The following SLC35F4 variants were observed in gnomAD, a reference collection of about 807,000 sequenced individuals.
The protein encoded by SLC35F4 is chromosome 14 open reading frame 36.
In SLC35F4, 24 loss-of-function variants were observed where a neutral mutation model predicts 44.2. The ratio of observed to expected loss-of-function variants is 0.54; its 90% CI spans 0.39 to 0.76. The LOEUF (loss-of-function observed/expected upper bound fraction) is 0.76. Ranked by LOEUF, SLC35F4 falls within the 30% of genes least tolerant of loss-of-function variation. The pLI is 0.00. For synonymous variants in SLC35F4, 238 were observed against 223.6 expected (o/e 1.06, Z -0.57); for missense variants, 562 against 586.1 (o/e 0.96, Z 0.42).
At chr14:57,655,849 A>C (rs895694182) in intron 1 of SLC35F4, among the ~76,000 whole-genome samples, 1 of 152,102 alleles carries the variant, frequency 6.6e-6, no homozygotes, top group Non-Finnish European at 1.5e-5. Context: ...AAAGTGCCAA[A>C]ATTTACAAAT....
At chr14:57,798,163 T>A (rs2078102127) in intron 1 of SLC35F4, among the ~76,000 whole-genome samples, 2 of 141,600 alleles carry the variant, frequency 1.4e-5, no homozygotes, top group Non-Finnish European at 3.0e-5. Flanking sequence ...GATAGACCAC[T>A]GAGGTTTAAG....
At chr14:57,898,221 T>C (rs544980211) in intron 1 of SLC35F4, among the ~76,000 whole-genome samples, 1 of 152,176 alleles carries the variant, frequency 6.6e-6, no homozygotes, top group Admixed American at 6.5e-5. Context: ...AGAATAAAAA[T>C]GAATTATCTA....
chr14:57,752,099 T>C (rs1461192800), intron 1 of SLC35F4, among the ~76,000 whole-genome samples: 1 of 152,196 alleles, frequency 6.6e-6, no homozygotes, highest in Non-Finnish European at 1.5e-5. Flanking sequence ...ATTTTTCTGT[T>C]GGAGCCAAGG....
chr14:57,600,559 G>T (rs1049402532), intron 1 of SLC35F4, among the ~76,000 whole-genome samples: 2 of 146,882 alleles, frequency 1.4e-5, no homozygotes, highest in African/African-American at 2.5e-5. Context: ...GGGCGTAGTG[G>T]CGGGCGCCTG....
intron 1 of SLC35F4, among the ~76,000 whole-genome samples, chr14:57,774,336 T>A (rs2077438104): frequency 6.6e-6 from 1 of 152,160 alleles, no homozygotes; most frequent in Non-Finnish European, 1.5e-5. Flanking sequence ...AGCCTCTGAA[T>A]GCCCATGCAG....
intron 1 of SLC35F4, among the ~76,000 whole-genome samples, chr14:57,798,209 A>G (rs2078102672): frequency 6.6e-6 from 1 of 151,878 alleles, no homozygotes; most frequent in Non-Finnish European, 1.5e-5. Flanking sequence ...AAAAGCTGAC[A>G]AATACACTCT....
chr14:57,945,907 C>T (rs948286070), intron 1 of SLC35F4, among the ~76,000 whole-genome samples: 1 of 151,838 alleles, frequency 6.6e-6, no homozygotes, highest in Non-Finnish European at 1.5e-5. Flanking sequence ...GTCTGTTGGC[C>T]ATTTGTATAT....
At chr14:57,705,447 C>G (rs2075648672) in intron 1 of SLC35F4, among the ~76,000 whole-genome samples, 1 of 152,204 alleles carries the variant, frequency 6.6e-6, no homozygotes, top group Non-Finnish European at 1.5e-5. Context: ...CTGCCCTTCT[C>G]TGCTCTACTC....
At chr14:57,799,637 T>G (rs1298765351) in intron 1 of SLC35F4, 3 of 152,664 alleles carry the variant, frequency 2.0e-5, no homozygotes, top group Non-Finnish European at 4.4e-5. Flanking sequence ...CCACCATCTC[T>G]GTGGTTCAGT....
intron 1 of SLC35F4, among the ~76,000 whole-genome samples, chr14:57,710,696 A>G (rs2075796535): frequency 6.6e-6 from 1 of 152,044 alleles, no homozygotes; most frequent in South Asian, 2.1e-4. Context: ...ATCAAAGGAG[A>G]TCATTTTGGA....
intron 3 of SLC35F4, among the ~76,000 whole-genome samples, chr14:57,586,652 A>T (rs957782768): frequency 7.3e-6 from 1 of 136,110 alleles, no homozygotes; most frequent in Non-Finnish European, 1.5e-5. Flanking sequence ...CAGGAGGTGG[A>T]GCTGGCAGTC....
chr14:57,927,966 C>A (rs1889615053), intron 1 of SLC35F4, among the ~76,000 whole-genome samples: 1 of 151,554 alleles, frequency 6.6e-6, no homozygotes, highest in Non-Finnish European at 1.5e-5. Context: ...TTTTTCTGAA[C>A]AATTTTTTAA....
At position 57,609,875 on chromosome 14, in the gene SLC35F4, T is replaced by C. The variant is rs545126240; in HGVS notation, c.104-15751A>G. On this transcript the variant is annotated intron_variant, in intron 1 of 7. Coordinates refer to ENST00000556826, the MANE Select transcript of SLC35F4 (RefSeq NM_001306087.2). ...CCCACATTAGGCCCTTGCTGGCTAT[T>C]TCGTGGATGACTGGCTGCCATGTGT... Among the ~76,000 whole-genome samples the C allele has an allele frequency of 3.9e-4, 60 of 152,298 alleles. 2 individuals are homozygous for C. The highest frequency in any genetic ancestry group is 4.6e-4 in the Admixed American group (7 of 15,294).
At chr14:57,793,240 A>C in intron 1 of SLC35F4, among the ~76,000 whole-genome samples, 1 of 152,054 alleles carries the variant, frequency 6.6e-6, no homozygotes, top group East Asian at 1.9e-4. Context: ...CTCATTTTTT[A>C]AAAACTTTTA....
chr14:57,865,705 A>C lies in SLC35F4; in HGVS notation c.103+18T>G, dbSNP rs1888107010. 6 of 1,506,126 alleles carry C rather than the reference A, an allele frequency of 4.0e-6. No individual in the cohort carries two copies. In the East Asian group the frequency reaches 1.5e-4, roughly 39 times the overall value. The allele number at this position is 1,506,126 out of a possible 1,614,324, so 93.3% of individuals were successfully genotyped here. On this transcript the variant is annotated intron_variant, in intron 1 of 7. Coordinates refer to ENST00000556826, the MANE Select transcript of SLC35F4 (RefSeq NM_001306087.2). ...CTCCCTTCCCCGCCTCGCGCAGGGC[A>C]GCCGCGCGGCGTCTTACTTTTCTGG...
intron 1 of SLC35F4, among the ~76,000 whole-genome samples, chr14:57,907,390 AT>A: frequency 6.6e-6 from 1 of 152,264 alleles, no homozygotes; most frequent in Admixed American, 6.5e-5. Flanking sequence ...CACAATATAT[AT>A]TTCTGAAGTG....
chr14:57,648,767 C>T (rs2073654829), intron 1 of SLC35F4, among the ~76,000 whole-genome samples: 1 of 152,214 alleles, frequency 6.6e-6, no homozygotes, highest in Admixed American at 6.5e-5. Flanking sequence ...CAGCAACACC[C>T]TGCATGATCT....
intron 1 of SLC35F4, among the ~76,000 whole-genome samples, chr14:57,948,229 C>T (rs142948476): frequency 6.6e-6 from 1 of 152,052 alleles, no homozygotes; most frequent in East Asian, 1.9e-4. Flanking sequence ...TGGTCTGTCC[C>T]GTGTTTCTAT....
At chr14:57,682,844 A>T (rs1193275773) in intron 1 of SLC35F4, among the ~76,000 whole-genome samples, 1 of 152,120 alleles carries the variant, frequency 6.6e-6, no homozygotes, top group Non-Finnish European at 1.5e-5. Context: ...CATTTATAAT[A>T]CTGGAAAAAT....
Sources: gnomAD v4.1 joint callset for allele counts (sites outside exome capture counted in the v4.1 genomes callset) on GRCh38, gnomAD v4.1.1 for gene constraint, MANE v1.5 for transcripts, NCBI Gene and HGNC (gene_info 2026-07-23, HGNC 2026-07-21) for gene names.